CFDP1: variants seen among roughly 807,000 people sequenced by gnomAD.
CFDP1 encodes the protein chromatin remodeling protein CFDP1, also known as heterochromatin-stabilizing protein CFDP1.
Under a neutral mutation model 40.1 loss-of-function variants are expected in CFDP1, and 31 were observed. The ratio of observed to expected loss-of-function variants is 0.77; its 90% CI spans 0.58 to 1.04. The LOEUF (loss-of-function observed/expected upper bound fraction) is 1.04, where lower values mean the gene tolerates loss of function less well. Ranked by LOEUF, CFDP1 falls within the 50% of genes least tolerant of loss-of-function variation. The pLI is 0.00. For missense variants in CFDP1, 423 were observed against 343.4 expected, an observed-to-expected ratio of 1.23 and a Z score of -1.83; for synonymous variants, 167 against 120.0, an observed-to-expected ratio of 1.39 and a Z score of -2.56.
rs951764515 is a variant in CFDP1, at chr16:75,415,194, T to C, written c.65-499A>G. ...AAACCTAAAGACTTCCAGTTAAACA[T>C]AGCAGAAAGAACAAACACACCCATG... On this transcript the variant is annotated intron_variant, in intron 1 of 6. Transcript: ENST00000283882. 2.6e-5 allele frequency among the ~76,000 whole-genome samples: 4 copies of C among 152,330 alleles called. No homozygotes were observed. In the East Asian group the frequency reaches 5.8e-4, roughly 22 times the overall value.
intron 6 of CFDP1, 52 bp downstream of exon 6, chr16:75,304,972 T>G: frequency 1.3e-6 from 2 of 1,569,178 alleles, no homozygotes; most frequent in African/African-American, 2.7e-5. Context: ...ATAAATCATT[T>G]GATTTCAGGG....
Position 75,369,900 on chromosome 16 carries a change from A to G in CFDP1, c.650+25190T>C, listed in dbSNP as rs142797390. 1.2e-3 allele frequency among the ~76,000 whole-genome samples: 177 copies of G among 151,600 alleles called. 1 individual carries two copies. The highest frequency in any genetic ancestry group is 4.1e-3 in the African/African-American group (168 of 41,326). ...CAGCCTCCCCAGTGGCTGGAACTAC[A>G]GGCCTGCACCACCAAGCTCAGCTAA... is the stretch of plus-strand genomic sequence containing the variant. On this transcript the variant is annotated intron_variant, in intron 5 of 6. Coordinates refer to ENST00000283882, the MANE Select transcript of CFDP1 (RefSeq NM_006324.3).
intron 5 of CFDP1, among the ~76,000 whole-genome samples, chr16:75,389,966 G>A (rs1386237385): frequency 6.6e-6 from 1 of 152,150 alleles, no homozygotes; most frequent in African/African-American, 2.4e-5. Context: ...AGAAATCCAA[G>A]GTTCACAGTA....
chr16:75,363,191 A>G (rs1024197643), intron 5 of CFDP1, among the ~76,000 whole-genome samples: 1 of 152,044 alleles, frequency 6.6e-6, no homozygotes, highest in Non-Finnish European at 1.5e-5. Context: ...TTGTTTTTCT[A>G]TAGAAAAATG....
chr16:75,297,011 T>C (rs1344046063), intron 6 of CFDP1, among the ~76,000 whole-genome samples: 1 of 152,232 alleles, frequency 6.6e-6, no homozygotes, highest in Non-Finnish European at 1.5e-5. Flanking sequence ...CTTTTTTTCC[T>C]TCTCTGTAAA....
chr16:75,361,406 C>T (rs979424175), intron 5 of CFDP1, among the ~76,000 whole-genome samples: 3 of 152,110 alleles, frequency 2.0e-5, no homozygotes, highest in Admixed American at 2.0e-4. Flanking sequence ...CACTTGAAGT[C>T]AGGAGTTCAA....
rs1264249115 is a variant in CFDP1 at position 75,307,347 on chromosome 16, C to A, written c.651-2165G>T. On this transcript the variant is annotated intron_variant, in intron 5 of 6. Transcript: ENST00000283882. ...TCTCCTGTCTCAGCCTCCCAAGTAG[C>A]TGGGATTACAGGCGCCTGCCACCAC... 4.6e-5 allele frequency among the ~76,000 whole-genome samples: 7 copies of A among 152,156 alleles called. No individual in the cohort carries two copies. The Middle Eastern group carries it at 0.02, about 444-fold the overall frequency.
chr16:75,418,501 G>A (rs1855287467), intron 1 of CFDP1, among the ~76,000 whole-genome samples: 1 of 151,570 alleles, frequency 6.6e-6, no homozygotes. Context: ...AGTAGAGATG[G>A]GGTTTCACCA....
intron 4 of CFDP1, among the ~76,000 whole-genome samples, chr16:75,400,521 C>T (rs1388761068): frequency 6.6e-6 from 1 of 152,140 alleles, no homozygotes; most frequent in African/African-American, 2.4e-5. Flanking sequence ...TCAGGAGCAG[C>T]TAGGCCCCAG....
chr16:75,385,412 G>A (rs1350084442), intron 5 of CFDP1, among the ~76,000 whole-genome samples: 2 of 152,142 alleles, frequency 1.3e-5, no homozygotes, highest in African/African-American at 4.8e-5. Context: ...GGGACTACAG[G>A]TCATTTTTAC....
intron 5 of CFDP1, among the ~76,000 whole-genome samples, chr16:75,389,804 C>A (rs2078932462): frequency 6.6e-6 from 1 of 152,130 alleles, no homozygotes. Context: ...CTAATATTTG[C>A]ACGGATAAAA....
chr16:75,406,100 T>C (rs918229241), intron 4 of CFDP1, among the ~76,000 whole-genome samples: 4 of 150,896 alleles, frequency 2.7e-5, no homozygotes, highest in Non-Finnish European at 1.5e-5. Context: ...ATAGGCCAGG[T>C]GCAGTGGCTC....
intron 1 of CFDP1, among the ~76,000 whole-genome samples, chr16:75,431,911 CTTTT>C (rs71380741): frequency 7.4e-6 from 1 of 134,488 alleles, no homozygotes; most frequent in Non-Finnish European, 1.6e-5. Flanking sequence ...GACTGGCTAA[CTTTT>C]TTTTTTTTTT....
At chr16:75,401,847 A>G (rs1190336658) in intron 4 of CFDP1, among the ~76,000 whole-genome samples, 1 of 107,736 alleles carries the variant, frequency 9.3e-6, no homozygotes, top group Non-Finnish European at 2.3e-5. Context: ...GATGTTGAAC[A>G]TATAAAAAAA....
intron 6 of CFDP1, among the ~76,000 whole-genome samples, chr16:75,295,682 C>T (rs1384591864): frequency 6.6e-6 from 1 of 152,216 alleles, no homozygotes; most frequent in Non-Finnish European, 1.5e-5. Flanking sequence ...AACACAATGA[C>T]AGGGCCTGCT....
intron 1 of CFDP1, among the ~76,000 whole-genome samples, chr16:75,425,471 T>C (rs2079329554): frequency 6.6e-6 from 1 of 151,368 alleles, no homozygotes; most frequent in African/African-American, 2.4e-5. Flanking sequence ...AGAATAAAGT[T>C]GGAGTACTCT....
At chr16:75,386,694 C>T (rs2078900873) in intron 5 of CFDP1, among the ~76,000 whole-genome samples, 1 of 152,190 alleles carries the variant, frequency 6.6e-6, no homozygotes, top group Non-Finnish European at 1.5e-5. Flanking sequence ...CACTGCACTC[C>T]AGCCTGGGCA....
At chr16:75,319,947 G>A (rs2078350223) in intron 5 of CFDP1, among the ~76,000 whole-genome samples, 1 of 152,182 alleles carries the variant, frequency 6.6e-6, no homozygotes, top group Non-Finnish European at 1.5e-5. Flanking sequence ...TCTTTTTACT[G>A]CATGCAGGAA....
chr16:75,403,614 A>G (rs1243400373), intron 4 of CFDP1, among the ~76,000 whole-genome samples: 2 of 152,214 alleles, frequency 1.3e-5, no homozygotes, highest in African/African-American at 4.8e-5. Flanking sequence ...CTTAGTCTGC[A>G]TAACACATAG....
Sources: allele counts gnomAD v4.1 joint callset (sites outside exome capture counted in the v4.1 genomes callset), GRCh38; gene constraint gnomAD v4.1.1; transcripts MANE v1.5; gene names NCBI Gene and HGNC (gene_info 2026-07-23, HGNC 2026-07-21).